The following LATS1 variants were observed in gnomAD, a reference collection of about 807,000 sequenced individuals.
LATS1 encodes large tumor suppressor kinase 1.
In LATS1, 25 loss-of-function variants were observed where a neutral mutation model predicts 106.6. That is an observed-to-expected ratio of 0.23 (90% CI 0.17 to 0.33). The LOEUF (loss-of-function observed/expected upper bound fraction) is 0.33, where lower values mean the gene tolerates loss of function less well. LATS1 is among the 10% of genes least tolerant of loss of function. The probability of loss-of-function intolerance (pLI) is 1.00; values close to 1 mark genes in which losing one functional copy is unlikely to be tolerated. For synonymous variants in LATS1, 465 were observed against 455.6 expected, an observed-to-expected ratio of 1.02 and a Z score of -0.26; for missense variants, 1,040 against 1,382.6, an observed-to-expected ratio of 0.75 and a Z score of 3.93.
At chr6:149,713,802 G>A (rs981806375) in intron 1 of LATS1, among the ~76,000 whole-genome samples, 19 of 152,040 alleles carry the variant, frequency 1.2e-4, no homozygotes, top group Admixed American at 1.0e-3. Context: ...TGGAATTACA[G>A]GCATGTGCCA....
chr6:149,711,874 T>C (rs1018050103), intron 1 of LATS1, among the ~76,000 whole-genome samples: 4 of 152,190 alleles, frequency 2.6e-5, no homozygotes, highest in African/African-American at 9.7e-5. Flanking sequence ...TTATTCTCTT[T>C]TTCTAGGAAG....
Position 149,684,088 on chromosome 6 carries a change from C to A in LATS1, c.1001G>T (p.Ser334Ile), listed in dbSNP as rs771928295. 1 of 1,614,210 alleles carries A rather than the reference C, an allele frequency of 6.2e-7. No individual in the cohort carries two copies. Among genetic ancestry groups the A allele is most frequent in the South Asian group, 1.1e-5 (1 of 91,090 alleles). The change falls in exon 4 of 8, where the codon AGT (serine) becomes ATT (isoleucine). Residue 334 changes from serine to isoleucine, a missense_variant. Physicochemically the swap from Ser to Ile is moderately radical, Grantham distance 142. This residue lies in a region of LATS1 where 624 missense variants were observed against 714.8 expected (regional missense o/e 0.87). Transcript: ENST00000543571. ...PVGRQPIIMQ[S>I]SSKFNFPSGR... Reference sequence around the variant, plus strand: ...TGATGGAAAGTTAAATTTGCTAGAACTCTGCATGATGATTGGTTGTCTGCC... The same window carrying A: ...TGATGGAAAGTTAAATTTGCTAGAAATCTGCATGATGATTGGTTGTCTGCC...
At position 149,687,102 on chromosome 6, in the gene LATS1, T is replaced by A. The variant is rs373812743; in HGVS notation, c.497-2510A>T. Among the ~76,000 whole-genome samples, 330 of 151,950 alleles carry A rather than the reference T, an allele frequency of 2.2e-3. 2 individuals carry two copies. The highest frequency in any genetic ancestry group is 6.5e-3 in the African/African-American group (271 of 41,466). ...AAGATCTCCAAGATTTTTATTTTTT[T>A]TTTTTTGAGACAGAGACTTGCTCTG... On this transcript the variant is annotated intron_variant, in intron 3 of 7. Transcript: ENST00000543571.
intron 1 of LATS1, chr6:149,716,310 C>T (rs950507559): frequency 6.6e-6 from 1 of 152,140 alleles, no homozygotes; most frequent in Non-Finnish European, 1.5e-5. Context: ...GGCAACATAG[C>T]GAGTTCCCAT....
At position 149,718,022 on chromosome 6, in the gene LATS1, C is replaced by T; in HGVS notation, c.-314G>A. On this transcript the variant is annotated 5_prime_UTR_variant, in exon 1 of 8. Transcript: ENST00000543571. The stretch of plus-strand genomic sequence containing the variant: ...CGTCCCAGGGGTCGTGAGGACCTGG[C>T]TCTCCCCTTAACACCAGGCCACCGC... 1 of 355,738 alleles carries T rather than the reference C, an allele frequency of 2.8e-6. No homozygotes were observed. 22.0% of individuals were successfully genotyped at this position (355,738 alleles called of 1,614,324 possible).
At chr6:149,663,151 T>G (rs1780966246) in intron 7 of LATS1, among the ~76,000 whole-genome samples, 1 of 152,104 alleles carries the variant, frequency 6.6e-6, no homozygotes, top group Non-Finnish European at 1.5e-5. Flanking sequence ...CAAACTCTGT[T>G]AAGTGGTAGA....
rs1194415836 is a variant in LATS1, at chr6:149,684,456, T to C, written c.633A>G (p.Val211=). ...HSESPNSQTD[V]GRPLSGSGIS... ...TACCAGATCCAGACAAAGGTCTTCC[T>C]ACATCTGTCTGTGAGTTGGGACTCT... Residue 211 remains valine (V), a synonymous_variant, in exon 4 of 8, where the codon GTA becomes GTG. Coordinates refer to ENST00000543571, the MANE Select transcript of LATS1 (RefSeq NM_004690.4). 6.2e-7 allele frequency: 1 copy of C among 1,614,090 alleles called. No individual in the cohort carries two copies. Among genetic ancestry groups the C allele is most frequent in the Non-Finnish European group, 8.5e-7 (1 of 1,179,978 alleles).
intron 5 of LATS1, among the ~76,000 whole-genome samples, chr6:149,679,640 ACAAT>A (rs1308619316): frequency 1.3e-5 from 2 of 152,174 alleles, no homozygotes; most frequent in Admixed American, 1.3e-4. Context: ...ATATTTAGAA[ACAAT>A]CAAGTCTAGC....
chr6:149,712,830 C>T (rs943843134), intron 1 of LATS1, among the ~76,000 whole-genome samples: 8 of 151,926 alleles, frequency 5.3e-5, no homozygotes, highest in African/African-American at 1.2e-4. Context: ...CCTAACTCTA[C>T]AAAAAATAGA....
intron 1 of LATS1, among the ~76,000 whole-genome samples, chr6:149,708,501 C>T (rs1783909258): frequency 6.6e-6 from 1 of 151,758 alleles, no homozygotes; most frequent in Non-Finnish European, 1.5e-5. Context: ...TTGTGTATAT[C>T]TTTAGCCAAT....
At chr6:149,678,581 G>A (rs1256374744) in intron 5 of LATS1, among the ~76,000 whole-genome samples, 2 of 152,190 alleles carry the variant, frequency 1.3e-5, no homozygotes, top group Non-Finnish European at 2.9e-5. Context: ...CAGAAGCACA[G>A]GAGGCTAATA....
chr6:149,701,499 T>C (rs1032513424), intron 2 of LATS1, among the ~76,000 whole-genome samples: 4 of 152,248 alleles, frequency 2.6e-5, no homozygotes, highest in Admixed American at 6.5e-5. Context: ...CACCTATGGC[T>C]TTCTTCAACT....
Position 149,697,144 on chromosome 6 carries a change from T to G in LATS1, c.349-1923A>C, listed in dbSNP as rs777310727. 11 of 1,347,878 alleles carry G rather than the reference T, an allele frequency of 8.2e-6. No individual in the cohort carries two copies. In the Admixed American group the frequency reaches 1.9e-4, roughly 23 times the overall value. The allele number at this position is 1,347,878 out of a possible 1,614,324, so 83.5% of individuals were successfully genotyped here. A position where few individuals can be genotyped will look rare whatever the true frequency, so the allele number is the denominator to read the frequency against. ...CGACATTTTTAAATGAGAAATGGCTTAGTAAGACTAATGGGTGAACAGGCT... is the reference window on the plus strand; with the variant it reads ...CGACATTTTTAAATGAGAAATGGCTGAGTAAGACTAATGGGTGAACAGGCT... On this transcript the variant is annotated intron_variant, in intron 2 of 7. Transcript: ENST00000543571.
intron 3 of LATS1, among the ~76,000 whole-genome samples, chr6:149,686,423 C>G (rs1342240759): frequency 1.3e-5 from 2 of 152,144 alleles, no homozygotes; most frequent in Non-Finnish European, 2.9e-5. Context: ...CCCTGTTGTT[C>G]TGCGCCTCCC....
chr6:149,679,231 A>G (rs569366806), intron 5 of LATS1, among the ~76,000 whole-genome samples: 6 of 152,242 alleles, frequency 3.9e-5, no homozygotes, highest in Non-Finnish European at 8.8e-5. Context: ...AATGTTGGAT[A>G]TGAGGATTCA....
intron 2 of LATS1, among the ~76,000 whole-genome samples, chr6:149,696,748 T>C (rs1783112787): frequency 6.6e-6 from 1 of 152,016 alleles, no homozygotes; most frequent in Non-Finnish European, 1.5e-5. Flanking sequence ...TATATGATTA[T>C]GTGATAAAGA....
chr6:149,712,192 TTTTATTTA>T (rs575504971), intron 1 of LATS1, among the ~76,000 whole-genome samples: 14 of 152,120 alleles, frequency 9.2e-5, no homozygotes, highest in African/African-American at 2.2e-4. Context: ...GTCATGTTTC[TTTTATTTA>T]TTTATTTATT....
Position 149,680,209 on chromosome 6 carries a change from C to T in LATS1, c.2259G>A (p.Glu753=). 6 of 1,614,116 alleles carry T rather than the reference C, an allele frequency of 3.7e-6. No individual in the cohort carries two copies. The highest frequency in any genetic ancestry group is 4.2e-6 in the Non-Finnish European group (5 of 1,179,996). ...LRNQVAHVKA[E]RDILAEADNE... is the part of the protein sequence containing the mutation. ...TGTCAGCTTCAGCCAGGATATCTCT[C>T]TCAGCCTTAACATGAGCGACTTGAT... The change falls in exon 5 of 8, where the codon GAG becomes GAA. Residue 753 remains glutamate, a synonymous_variant. Coordinates refer to ENST00000543571, the MANE Select transcript of LATS1 (RefSeq NM_004690.4).
intron 3 of LATS1, among the ~76,000 whole-genome samples, chr6:149,691,760 C>A (rs569874399): frequency 2.0e-5 from 3 of 152,152 alleles, no homozygotes; most frequent in African/African-American, 7.2e-5. Context: ...ATACATACAT[C>A]CCCACCTCCC....
Sources: gnomAD v4.1 joint callset for allele counts (sites outside exome capture counted in the v4.1 genomes callset) on GRCh38, gnomAD v4.1.1 for gene constraint, gnomAD v4.1.1 regional missense constraint, MANE v1.5 for transcripts, NCBI Gene and HGNC (gene_info 2026-07-23, HGNC 2026-07-21) for gene names.